Variants in OCLN observed in about 807,000 individuals in gnomAD.
OCLN encodes the protein occludin, also known as phosphatase 1, regulatory subunit 115.
A neutral mutation model predicts 47.9 loss-of-function variants in OCLN; 21 were observed. That is an observed-to-expected ratio of 0.44 (90% CI 0.31 to 0.63). The LOEUF (loss-of-function observed/expected upper bound fraction) is 0.63, where lower values mean the gene tolerates loss of function less well. OCLN is among the 30% of genes least tolerant of loss of function. The pLI, the probability that OCLN is intolerant of heterozygous loss-of-function variation, is 0.08. For missense variants in OCLN, 360 were observed against 571.0 expected, an observed-to-expected ratio of 0.63 and a Z score of 3.77; for synonymous variants, 117 against 198.4, an observed-to-expected ratio of 0.59 and a Z score of 3.45.
intron 1 of OCLN, among the ~76,000 whole-genome samples, chr5:69,495,051 A>C (rs1015801053): frequency 9.2e-5 from 14 of 152,312 alleles, no homozygotes; most frequent in African/African-American, 3.4e-4. Context: ...GTAGTGTTGG[A>C]ATTACTACCT....
intron 5 of OCLN, among the ~76,000 whole-genome samples, chr5:69,535,707 C>G (rs1769562947): frequency 7.2e-6 from 1 of 138,914 alleles, no homozygotes; most frequent in Non-Finnish European, 1.5e-5. Flanking sequence ...TGTGGTATAG[C>G]TTCTTGCTTT....
intron 1 of OCLN, among the ~76,000 whole-genome samples, chr5:69,503,211 G>A (rs1294381169): frequency 1.3e-5 from 2 of 152,122 alleles, no homozygotes; most frequent in Non-Finnish European, 2.9e-5. Context: ...GTTTGCTGCT[G>A]CTGACTGTAG....
chr5:69,519,302 C>T (rs1769066820), intron 4 of OCLN, among the ~76,000 whole-genome samples: 3 of 152,122 alleles, frequency 2.0e-5, no homozygotes, highest in African/African-American at 7.2e-5. Flanking sequence ...CGCCTCCTGC[C>T]CTCCCACCTC....
At chr5:69,518,018 C>A (rs1316628885) in intron 4 of OCLN, among the ~76,000 whole-genome samples, 1 of 152,158 alleles carries the variant, frequency 6.6e-6, no homozygotes, top group Non-Finnish European at 1.5e-5. Flanking sequence ...TCAAGGGAGA[C>A]CAATGCCAGT....
rs532044869 is a variant in OCLN, at chr5:69,493,154, G to A, written c.-69+254G>A. 1.1e-4 allele frequency among the ~76,000 whole-genome samples: 17 copies of A among 152,278 alleles called. 1 individual carries two copies. In the South Asian group the frequency reaches 3.5e-3, roughly 32 times the overall value. ...AGCCGCCGATCAAGCTTTATTCCGC[G>A]GAAACGCTGAAAGCTAGCAGTGCCT... On this transcript the variant is annotated intron_variant, in intron 1 of 8. Transcript: ENST00000396442. This position sits in a 1 kb window ranked among gnomAD's most constrained non-coding sequence, Gnocchi z 5.3.
rs527307868 is a variant in OCLN, at chr5:69,536,105, G to A, written c.1037+1266G>A. Among the ~76,000 whole-genome samples the A allele has an allele frequency of 2.9e-3, 440 of 152,278 alleles. 1 individual carries two copies. Among genetic ancestry groups the A allele is most frequent in the African/African-American group, 9.7e-3 (404 of 41,568 alleles). On this transcript the variant is annotated intron_variant, in intron 5 of 8. Transcript: ENST00000396442. ...GCACTCCAGCCTGGGCAACAAGAGC[G>A]AAGCTCCATCTAAATAAATAAATAA...
Position 69,513,827 on chromosome 5 carries a change from A to G in OCLN, c.730-121A>G, listed in dbSNP as rs772863066. 3.9e-4 allele frequency: 342 copies of G among 868,264 alleles called. 1 individual carries two copies. The highest frequency in any genetic ancestry group is 2.6e-4 in the Admixed American group (13 of 49,430). 53.8% of individuals were successfully genotyped at this position (868,264 alleles called of 1,614,324 possible). A position where few individuals can be genotyped will look rare whatever the true frequency, so the allele number is the denominator to read the frequency against. ...AACTATTTGCTTCAGTTTTCTATCA[A>G]TTAAACCACATGGATTTAGTAGGGC... On this transcript the variant is annotated intron_variant, in intron 3 of 8. Transcript: ENST00000396442.
intron 4 of OCLN, among the ~76,000 whole-genome samples, chr5:69,531,652 C>G (rs1769433986): frequency 6.6e-6 from 1 of 152,226 alleles, no homozygotes; most frequent in Non-Finnish European, 1.5e-5. Flanking sequence ...TGAGCACACT[C>G]CGTGGCAACC....
In OCLN at chr5:69,509,523, G is replaced by T. The variant is rs563903726; in HGVS notation, c.433G>T (p.Ala145Ser). 6 of 1,614,042 alleles carry T rather than the reference G, an allele frequency of 3.7e-6. No homozygotes were observed. Among genetic ancestry groups the T allele is most frequent in the African/African-American group, 2.7e-5 (2 of 74,918 alleles). ...AGCAAAGGGCTTCATGTTGGCCATG[G>T]CTGCCTTTTGTTTCATTGCCGCGTT... Reference protein sequence around the residue: ...RAAKGFMLAMAAFCFIAALVI... With the variant: ...RAAKGFMLAMSAFCFIAALVI... Residue 145 changes from alanine to serine, a missense_variant, in exon 3 of 9, where the codon GCT becomes TCT. Ala to Ser is a moderately conservative substitution (Grantham distance 99, BLOSUM62 1). This residue lies in a region of OCLN where 314 missense variants were observed against 368.1 expected (regional missense o/e 0.85). Transcript: ENST00000396442.
intron 3 of OCLN, among the ~76,000 whole-genome samples, chr5:69,511,493 C>T (rs1302704981): frequency 6.6e-6 from 1 of 152,016 alleles, no homozygotes; most frequent in Non-Finnish European, 1.5e-5. Context: ...CTCACTGCAT[C>T]CTTGACCTCC....
intron 2 of OCLN, among the ~76,000 whole-genome samples, chr5:69,507,669 G>C (rs181777798): frequency 6.6e-6 from 1 of 150,644 alleles, no homozygotes; most frequent in Non-Finnish European, 1.5e-5. Flanking sequence ...GCAATGGCAC[G>C]GTCTCGGCTT....
At chr5:69,506,137 T>C (rs1768593046) in intron 2 of OCLN, among the ~76,000 whole-genome samples, 1 of 152,166 alleles carries the variant, frequency 6.6e-6, no homozygotes, top group South Asian at 2.1e-4. Context: ...TTACCATTAC[T>C]GGTTTATTAT....
chr5:69,500,949 T>C (rs556239687), intron 1 of OCLN, among the ~76,000 whole-genome samples: 1 of 152,022 alleles, frequency 6.6e-6, no homozygotes, highest in Non-Finnish European at 1.5e-5. Context: ...AAAGGAGTCT[T>C]GCTCTGTCAC....
chr5:69,497,442 C>T lies in OCLN; in HGVS notation c.-69+4542C>T, dbSNP rs574252017. 4.4e-5 allele frequency among the ~76,000 whole-genome samples: 6 copies of T among 136,986 alleles called. No homozygotes were observed. In the East Asian group the frequency reaches 6.5e-4, roughly 15 times the overall value. 89.9% of individuals were successfully genotyped at this position (136,986 alleles called of 152,430 possible). A position where few individuals can be genotyped will look rare whatever the true frequency, so the allele number is the denominator to read the frequency against. On this transcript the variant is annotated intron_variant, in intron 1 of 8. Transcript: ENST00000396442. ...CTCACTGTGTCGCCAGGCTGGAGTG[C>T]GGTGGCACAATCTTGGCTCACTGCA...
At chr5:69,499,089 TA>T (rs1169169374) in intron 1 of OCLN, among the ~76,000 whole-genome samples, 1 of 152,226 alleles carries the variant, frequency 6.6e-6, no homozygotes, top group East Asian at 1.9e-4. Context: ...TATTGTTTAT[TA>T]TTTTTTTAGA....
At chr5:69,516,436 A>G (rs1768972563) in intron 4 of OCLN, among the ~76,000 whole-genome samples, 1 of 151,996 alleles carries the variant, frequency 6.6e-6, no homozygotes, top group South Asian at 2.1e-4. Flanking sequence ...CAGTGAGCCG[A>G]GATGGCAGCA....
intron 3 of OCLN, among the ~76,000 whole-genome samples, chr5:69,512,039 A>AG: frequency 6.6e-6 from 1 of 151,694 alleles, no homozygotes; most frequent in African/African-American, 2.4e-5. Flanking sequence ...AAAAAAAAAA[A>AG]AAAAAATTTT....
chr5:69,516,303 C>T lies in OCLN; in HGVS notation c.891+2194C>T, dbSNP rs568708788. Among the ~76,000 whole-genome samples, 50 of 152,320 alleles carry T rather than the reference C, an allele frequency of 3.3e-4. 1 individual carries two copies. Among genetic ancestry groups the T allele is most frequent in the African/African-American group, 1.2e-3 (48 of 41,568 alleles). On this transcript the variant is annotated intron_variant, in intron 4 of 8. Coordinates refer to ENST00000396442, the MANE Select transcript of OCLN (RefSeq NM_001205254.2). ...CGCAGTTCGGAGCTGGAGACCAGCC[C>T]GGCCAACACAGCGAAACCCCGTCTC... is the stretch of plus-strand genomic sequence containing the variant.
In OCLN at chr5:69,523,745, A is replaced by G. The variant is rs562926776; in HGVS notation, c.891+9636A>G. Reference sequence around the variant, plus strand: ...GACATGGGGTTTTGCCACGTTGGCCAGGCTGGTCTCAAACTCCTGACCTCA... The same window carrying G: ...GACATGGGGTTTTGCCACGTTGGCCGGGCTGGTCTCAAACTCCTGACCTCA... On this transcript the variant is annotated intron_variant, in intron 4 of 8. Transcript: ENST00000396442. Among the ~76,000 whole-genome samples the G allele has an allele frequency of 2.6e-5, 4 of 151,750 alleles. No homozygotes were observed. In the South Asian group the frequency reaches 8.5e-4, roughly 32 times the overall value.
Sources: allele counts gnomAD v4.1 joint callset (sites outside exome capture counted in the v4.1 genomes callset), GRCh38; gene constraint gnomAD v4.1.1; regional missense constraint gnomAD v4.1.1; non-coding constraint Gnocchi (gnomAD v3.1); transcripts MANE v1.5; gene names NCBI Gene and HGNC (gene_info 2026-07-23, HGNC 2026-07-21).